DMD: variants seen among roughly 807,000 people sequenced by gnomAD.
DMD encodes dystrophin, also known as mutant dystrophin.
A neutral mutation model predicts 330.1 loss-of-function variants in DMD; 63 were observed. The observed-to-expected ratio is 0.19, with a 90% CI of 0.16 to 0.24. The LOEUF (loss-of-function observed/expected upper bound fraction) is 0.24, where lower values mean the gene tolerates loss of function less well. Ranked by LOEUF, DMD falls within the 10% of genes least tolerant of loss-of-function variation. The probability of loss-of-function intolerance (pLI) is 1.00; values close to 1 mark genes in which losing one functional copy is unlikely to be tolerated. For synonymous variants in DMD, 1,223 were observed against 959.8 expected, an observed-to-expected ratio of 1.27 and a Z score of -5.07; for missense variants, 3,344 against 2,684.1, an observed-to-expected ratio of 1.25 and a Z score of -5.43.
chrX:32,958,483 A>C (rs2091721704), intron 2 of DMD, among the ~76,000 whole-genome samples: 1 of 110,915 alleles, frequency 9.0e-6, no homozygotes, highest in Admixed American at 9.7e-5. Flanking sequence ...CCATTATTTA[A>C]TTTACCTAAG....
chrX:32,343,253 C>T lies in DMD; in HGVS notation c.5620G>A (p.Glu1874Lys), dbSNP rs142441725. The T allele has an allele frequency of 2.0e-4, 246 of 1,206,757 alleles. No individual in the cohort carries two copies. In the African/African-American group the frequency reaches 3.6e-3, roughly 18 times the overall value. The change falls in exon 40 of 79, where the codon GAA becomes AAA. Residue 1874 changes from glutamate to lysine, a missense_variant. By Grantham distance (56) the Glu-to-Lys change is moderately conservative. Transcript: ENST00000357033. ...LRSQRRKKALEISHQWYQYKR... is the reference protein window; with the variant it reads ...LRSQRRKKALKISHQWYQYKR... The stretch of plus-strand genomic sequence containing the variant: ...TACTGATACCACTGATGAGAAATTT[C>T]TAGAGCCTTTTTTCTTCTTTGAGAC...
intron 11 of DMD, among the ~76,000 whole-genome samples, chrX:32,621,688 C>A (rs944865919): frequency 1.8e-5 from 2 of 109,988 alleles, no homozygotes; most frequent in African/African-American, 3.3e-5. Flanking sequence ...GGGTAGGGAC[C>A]AGAATGGCTG....
intron 44 of DMD, among the ~76,000 whole-genome samples, chrX:31,975,932 G>C (rs1321028945): frequency 9.0e-6 from 1 of 111,454 alleles, no homozygotes; most frequent in East Asian, 2.8e-4. Flanking sequence ...TAATGTCATT[G>C]GTTCTAAAAC....
chrX:32,367,815 C>T (rs1431314339), intron 34 of DMD, among the ~76,000 whole-genome samples: 5 of 111,889 alleles, frequency 4.5e-5, no homozygotes, highest in African/African-American at 1.6e-4. Context: ...TTCAATTTAT[C>T]ACCATTATCA....
At chrX:32,408,313 A>G (rs1006343445) in intron 30 of DMD, among the ~76,000 whole-genome samples, 4 of 111,552 alleles carry the variant, frequency 3.6e-5, no homozygotes, top group Non-Finnish European at 5.7e-5. Context: ...GAGGGCCCAG[A>G]GAAATAACTG....
chrX:32,398,486 T>A (rs1356983712), intron 30 of DMD, among the ~76,000 whole-genome samples: 4 of 110,954 alleles, frequency 3.6e-5, no homozygotes, highest in Non-Finnish European at 7.6e-5. Flanking sequence ...TAGGTTAAAC[T>A]TTTATTTTTG....
intron 62 of DMD, among the ~76,000 whole-genome samples, chrX:31,269,341 CTGA>C (rs1350547500): frequency 9.0e-6 from 1 of 111,075 alleles, no homozygotes; most frequent in African/African-American, 3.3e-5. Context: ...TCTCCTCCTT[CTGA>C]TTATATTATT....
chrX:32,416,355 C>T (rs1415817679), intron 29 of DMD, among the ~76,000 whole-genome samples: 2 of 111,593 alleles, frequency 1.8e-5, no homozygotes, highest in Non-Finnish European at 1.9e-5. Flanking sequence ...ACAATCATCT[C>T]GTAATAAGAC....
intron 44 of DMD, among the ~76,000 whole-genome samples, chrX:32,164,679 T>G (rs890079703): frequency 1.8e-5 from 2 of 111,365 alleles, no homozygotes; most frequent in African/African-American, 6.5e-5. Flanking sequence ...GAGCCCAATG[T>G]TAATAGGCAA....
At chrX:33,245,902 A>G (rs909426855) in intron 1 of DMD, among the ~76,000 whole-genome samples, 8 of 111,984 alleles carry the variant, frequency 7.1e-5, no homozygotes, top group African/African-American at 2.3e-4. Flanking sequence ...ATAAAAATCT[A>G]GCTTCTGTAA....
At chrX:32,711,473 T>G (rs887089845) in intron 7 of DMD, among the ~76,000 whole-genome samples, 1 of 111,700 alleles carries the variant, frequency 9.0e-6, no homozygotes, top group Non-Finnish European at 1.9e-5. Context: ...AACGTGCCCC[T>G]TGATTAGGAA....
chrX:31,140,389 C>T (rs971149461), intron 76 of DMD, among the ~76,000 whole-genome samples: 6 of 111,919 alleles, frequency 5.4e-5, no homozygotes, highest in Admixed American at 4.7e-4. Context: ...TGAACAAATA[C>T]GCCCACCAAC....
chrX:31,725,734 T>C (rs1217490241), intron 52 of DMD, among the ~76,000 whole-genome samples: 1 of 111,798 alleles, frequency 8.9e-6, no homozygotes, highest in African/African-American at 3.2e-5. Flanking sequence ...CCCGAAATGG[T>C]AGTGGTGGGG....
chrX:31,971,277 G>A (rs2095396838), intron 44 of DMD, among the ~76,000 whole-genome samples: 1 of 111,930 alleles, frequency 8.9e-6, no homozygotes, highest in Non-Finnish European at 1.9e-5. Flanking sequence ...TTTTATCTCA[G>A]CCTCTTTGCT....
At chrX:32,752,136 T>C (rs1013921050) in intron 7 of DMD, among the ~76,000 whole-genome samples, 2 of 111,433 alleles carry the variant, frequency 1.8e-5, no homozygotes, top group Non-Finnish European at 3.8e-5. Flanking sequence ...ATTAGAGCCA[T>C]GAAAAGAGGG....
At chrX:32,193,659 G>C (rs1030627508) in intron 44 of DMD, among the ~76,000 whole-genome samples, 1 of 111,451 alleles carries the variant, frequency 9.0e-6, no homozygotes, top group Non-Finnish European at 1.9e-5. Flanking sequence ...TGCCTACTGC[G>C]TGGTGTTCAA....
chrX:32,294,879 TG>T (rs756286263), intron 42 of DMD, among the ~76,000 whole-genome samples: 1 of 111,775 alleles, frequency 8.9e-6, no homozygotes, highest in Non-Finnish European at 1.9e-5. Flanking sequence ...TATTTTAGTT[TG>T]TCTAGAAATA....
chrX:32,767,778 CA>C (rs1163395008), intron 7 of DMD, among the ~76,000 whole-genome samples: 1 of 111,539 alleles, frequency 9.0e-6, no homozygotes, highest in Non-Finnish European at 1.9e-5. Flanking sequence ...CCGATGCTTT[CA>C]AAAATACATT....
chrX:32,485,954 G>A (rs1198244421), intron 20 of DMD, among the ~76,000 whole-genome samples: 3 of 108,951 alleles, frequency 2.8e-5, no homozygotes, highest in Non-Finnish European at 5.7e-5. Context: ...TGTTGGCCAG[G>A]CTGGTCTCAA....
Sources: allele counts gnomAD v4.1 joint callset (sites outside exome capture counted in the v4.1 genomes callset), GRCh38; gene constraint gnomAD v4.1.1; transcripts MANE v1.5; gene names NCBI Gene and HGNC (gene_info 2026-07-23, HGNC 2026-07-21).